CALD1: variants seen among roughly 807,000 people sequenced by gnomAD.
CALD1 encodes the protein caldesmon.
A neutral mutation model predicts 99.9 loss-of-function variants in CALD1; 33 were observed. The ratio of observed to expected loss-of-function variants is 0.33; its 90% CI spans 0.25 to 0.44. CALD1 has a LOEUF of 0.44. Among genes scored for constraint, CALD1 ranks in the 20% least tolerant of loss-of-function variants. The pLI, the probability that CALD1 is intolerant of heterozygous loss-of-function variation, is 1.00. For synonymous variants in CALD1, 310 were observed against 325.0 expected, an observed-to-expected ratio of 0.95 and a Z score of 0.50; for missense variants, 861 against 962.1, an observed-to-expected ratio of 0.89 and a Z score of 1.39.
At chr7:134,953,805 C>T (rs770392578) in intron 9 of CALD1, among the ~76,000 whole-genome samples, 54 of 152,058 alleles carry the variant, frequency 3.6e-4, no homozygotes, top group Non-Finnish European at 8.8e-5. Flanking sequence ...TCTAGTACCC[C>T]CAGGAAGCCA....
At chr7:134,759,230 C>T (rs1796756278) in intron 1 of CALD1, among the ~76,000 whole-genome samples, 1 of 152,208 alleles carries the variant, frequency 6.6e-6, no homozygotes, top group South Asian at 2.1e-4. Context: ...CTGATGCTCT[C>T]TTCTGGGCAC....
intron 1 of CALD1, among the ~76,000 whole-genome samples, chr7:134,836,040 G>A (rs1237791963): frequency 1.3e-5 from 2 of 150,804 alleles, no homozygotes. Flanking sequence ...AGCTACTCAG[G>A]AAGCTGAAGC....
chr7:134,843,467 C>T (rs1159904372), intron 1 of CALD1, among the ~76,000 whole-genome samples: 3 of 152,208 alleles, frequency 2.0e-5, no homozygotes, highest in Non-Finnish European at 4.4e-5. Context: ...GTCTTTGTCT[C>T]ACTAACAAGG....
intron 12 of CALD1, 161 bp downstream of exon 12, chr7:134,960,272 T>C (rs1357366249): frequency 6.0e-6 from 5 of 840,258 alleles, no homozygotes; most frequent in Non-Finnish European, 9.3e-6. Flanking sequence ...AGAGAATGTG[T>C]TTGTGAGGTT....
At chr7:134,852,778 G>C (rs1800133804) in intron 2 of CALD1, among the ~76,000 whole-genome samples, 1 of 152,162 alleles carries the variant, frequency 6.6e-6, no homozygotes, top group African/African-American at 2.4e-5. Context: ...TGAGAGCTGA[G>C]ACCTTGACTT....
intron 3 of CALD1, among the ~76,000 whole-genome samples, chr7:134,874,255 C>G (rs116851161): frequency 0.075 from 11,372 of 151,334 alleles, 536 homozygotes; most frequent in Middle Eastern, 0.14. Context: ...TGCAGTGGTA[C>G]CATCTCGGCT....
intron 1 of CALD1, among the ~76,000 whole-genome samples, chr7:134,748,901 G>A (rs2131551797): frequency 6.6e-6 from 1 of 152,092 alleles, no homozygotes; most frequent in South Asian, 2.1e-4. Context: ...CTCATGTATG[G>A]GATTAATGCC....
chr7:134,895,294 A>ATGTGTG (rs1284861877), intron 3 of CALD1, among the ~76,000 whole-genome samples: 1 of 122,650 alleles, frequency 8.2e-6, no homozygotes, highest in African/African-American at 3.4e-5. Context: ...GGTTTTATAT[A>ATGTGTG]TGTATGTGTG....
At chr7:134,748,979 G>C (rs1796660689) in intron 1 of CALD1, among the ~76,000 whole-genome samples, 2 of 152,176 alleles carry the variant, frequency 1.3e-5, no homozygotes, top group Admixed American at 1.3e-4. Context: ...AGAAGGCACT[G>C]TCTATAGGCA....
At chr7:134,784,242 T>C (rs1797219744) in intron 1 of CALD1, among the ~76,000 whole-genome samples, 1 of 152,216 alleles carries the variant, frequency 6.6e-6, no homozygotes, top group African/African-American at 2.4e-5. Context: ...AAGGGAATAA[T>C]CTCACTTGGA....
intron 13 of CALD1, among the ~76,000 whole-genome samples, chr7:134,964,068 G>A (rs568355059): frequency 2.4e-4 from 36 of 152,262 alleles, no homozygotes; most frequent in Middle Eastern, 6.8e-3. Context: ...GTGGTGGCTT[G>A]TGCCTGTAAT....
intron 8 of CALD1, chr7:134,948,015 GTTT>G: frequency 2.5e-6 from 1 of 404,372 alleles, no homozygotes; most frequent in Non-Finnish European, 4.4e-6. Context: ...TTTTGTTTTT[GTTT>G]TTGTTTTTGT....
chr7:134,732,292 C>T, the CALD1 span, among the ~76,000 whole-genome samples: 1 of 152,160 alleles, frequency 6.6e-6, no homozygotes, highest in South Asian at 2.1e-4. Flanking sequence ...CCACCCAATG[C>T]CTAAAGCTTA....
At chr7:134,872,986 C>G (rs576688342) in intron 3 of CALD1, among the ~76,000 whole-genome samples, 5 of 152,172 alleles carry the variant, frequency 3.3e-5, no homozygotes, top group African/African-American at 7.2e-5. Context: ...AGTTCGAAAC[C>G]AGCCTGGCCA....
chr7:134,827,392 A>AT (rs954359416), intron 1 of CALD1, among the ~76,000 whole-genome samples: 1 of 152,146 alleles, frequency 6.6e-6, no homozygotes, highest in Admixed American at 6.6e-5. Flanking sequence ...GAAAATGGGC[A>AT]TTTTTTGCCA....
At chr7:134,743,355 T>C (rs1796607174), upstream of CALD1, among the ~76,000 whole-genome samples, 1 of 152,176 alleles carries the variant, frequency 6.6e-6, no homozygotes, top group African/African-American at 2.4e-5. Flanking sequence ...AAAACATAAA[T>C]ATTTGGCCAA....
intron 14 of CALD1, 137 bp from the exon 15 acceptor site, chr7:134,968,203 C>T: frequency 1.4e-6 from 1 of 740,044 alleles, no homozygotes; most frequent in Non-Finnish European, 2.5e-6. Flanking sequence ...GATAATAATC[C>T]TCCCTTTCAT....
At chr7:134,863,514 A>G (rs1317121701) in intron 2 of CALD1, among the ~76,000 whole-genome samples, 1 of 152,216 alleles carries the variant, frequency 6.6e-6, no homozygotes, top group African/African-American at 2.4e-5. Flanking sequence ...GACTGCATTT[A>G]CACACGTGCT....
chr7:134,852,965 C>T (rs925199309), intron 2 of CALD1, among the ~76,000 whole-genome samples: 5 of 152,122 alleles, frequency 3.3e-5, no homozygotes, highest in African/African-American at 4.8e-5. Flanking sequence ...GAATCATGCA[C>T]CAGCATTTGA....
Sources: allele counts gnomAD v4.1 joint callset (sites outside exome capture counted in the v4.1 genomes callset), GRCh38; gene constraint gnomAD v4.1.1; transcripts MANE v1.5; gene names NCBI Gene and HGNC (gene_info 2026-07-23, HGNC 2026-07-21).